CHCHD6: variants seen among roughly 807,000 people sequenced by gnomAD.
The protein encoded by CHCHD6 is MICOS complex subunit MIC25.
A neutral mutation model predicts 32.3 loss-of-function variants in CHCHD6; 28 were observed. That is an observed-to-expected ratio of 0.87 (90% CI 0.64 to 1.19). The LOEUF is 1.19. Ranked by LOEUF, CHCHD6 falls within the 50% of genes most tolerant of loss-of-function variation. The pLI is 0.00. For synonymous variants in CHCHD6, 122 were observed against 117.5 expected, an observed-to-expected ratio of 1.04 and a Z score of -0.25; for missense variants, 333 against 307.0, an observed-to-expected ratio of 1.08 and a Z score of -0.63.
chr3:126,803,661 CAGAA>C (rs1319182745), intron 4 of CHCHD6, among the ~76,000 whole-genome samples: 18 of 152,190 alleles, frequency 1.2e-4, no homozygotes, highest in Admixed American at 1.2e-3. Flanking sequence ...ATCAACGAGA[CAGAA>C]AGTTAACAAG....
rs144875908 is a variant in CHCHD6, at chr3:126,898,767, G to C, written c.496-15913G>C. ...TTGGCCAGGCTGGTCTTAAACTCCT[G>C]ACCTCAGATGATCTGCCCTCCTCGG... On this transcript the variant is annotated intron_variant, in intron 5 of 7. Transcript: ENST00000290913. 3.3e-3 allele frequency among the ~76,000 whole-genome samples: 503 copies of C among 152,266 alleles called. 5 individuals carry two copies. The highest frequency in any genetic ancestry group is 0.011 in the African/African-American group (469 of 41,540).
chr3:126,805,864 A>T (rs911575668), intron 4 of CHCHD6, among the ~76,000 whole-genome samples: 1 of 152,234 alleles, frequency 6.6e-6, no homozygotes, highest in Non-Finnish European at 1.5e-5. Context: ...ATATAGATCA[A>T]TGGAACAGAA....
intron 5 of CHCHD6, among the ~76,000 whole-genome samples, chr3:126,881,462 A>G (rs1006728550): frequency 5.3e-5 from 8 of 152,298 alleles, no homozygotes; most frequent in African/African-American, 1.7e-4. Flanking sequence ...GCAGGGCCCT[A>G]TGTGTGTTGA....
At chr3:126,748,012 C>T (rs1936572903) in intron 4 of CHCHD6, among the ~76,000 whole-genome samples, 2 of 152,102 alleles carry the variant, frequency 1.3e-5, no homozygotes, top group African/African-American at 4.8e-5. Flanking sequence ...GAGTTCTCTC[C>T]ATCCTGGCCT....
At chr3:126,834,873 G>C (rs1940790643) in intron 4 of CHCHD6, among the ~76,000 whole-genome samples, 2 of 152,164 alleles carry the variant, frequency 1.3e-5, no homozygotes, top group South Asian at 4.1e-4. Context: ...CACTTGGGCA[G>C]GCAGGGTATA....
intron 4 of CHCHD6, among the ~76,000 whole-genome samples, chr3:126,761,716 C>T (rs374204781): frequency 1.1e-4 from 17 of 152,266 alleles, no homozygotes; most frequent in South Asian, 4.2e-4. Flanking sequence ...TGTGAGCCAC[C>T]GCACCCAGTC....
intron 6 of CHCHD6, among the ~76,000 whole-genome samples, chr3:126,937,072 C>T (rs1033188679): frequency 1.3e-5 from 2 of 152,166 alleles, no homozygotes; most frequent in Non-Finnish European, 2.9e-5. Flanking sequence ...GCTGGGCAAC[C>T]AGTGTTGTTC....
chr3:126,931,502 C>T (rs2107598743), intron 6 of CHCHD6, among the ~76,000 whole-genome samples: 1 of 152,280 alleles, frequency 6.6e-6, no homozygotes. Context: ...GGTCTGTGCT[C>T]CTCACAGTGT....
At chr3:126,906,737 C>T (rs746960859) in intron 5 of CHCHD6, among the ~76,000 whole-genome samples, 57 of 152,196 alleles carry the variant, frequency 3.7e-4, no homozygotes, top group Non-Finnish European at 7.8e-4. Context: ...ATATCCAGAG[C>T]GTTAGCTCTG....
chr3:126,734,066 G>C (rs1403114437), intron 4 of CHCHD6, among the ~76,000 whole-genome samples: 1 of 152,168 alleles, frequency 6.6e-6, no homozygotes, highest in Non-Finnish European at 1.5e-5. Flanking sequence ...AGGCTGTGCC[G>C]ACCCTTGTGT....
At chr3:126,816,920 T>C (rs1196697648) in intron 4 of CHCHD6, among the ~76,000 whole-genome samples, 2 of 152,082 alleles carry the variant, frequency 1.3e-5, no homozygotes, top group Non-Finnish European at 2.9e-5. Context: ...TGTCCAAGTG[T>C]TCTCATTGTT....
intron 4 of CHCHD6, among the ~76,000 whole-genome samples, chr3:126,775,242 G>T (rs184376676): frequency 1.7e-4 from 26 of 152,328 alleles, no homozygotes; most frequent in Admixed American, 3.9e-4. Context: ...GAGAGTGCCT[G>T]TGGCCAGCAC....
At chr3:126,723,422 C>A (rs1480643572) in intron 1 of CHCHD6, among the ~76,000 whole-genome samples, 1 of 152,114 alleles carries the variant, frequency 6.6e-6, no homozygotes, top group African/African-American at 2.4e-5. Flanking sequence ...GTATATGTGT[C>A]TTATGTGCAT....
chr3:126,879,293 G>T (rs1292397171), intron 5 of CHCHD6, among the ~76,000 whole-genome samples: 1 of 152,192 alleles, frequency 6.6e-6, no homozygotes, highest in Non-Finnish European at 1.5e-5. Flanking sequence ...TTAGAGTTAG[G>T]ACATGTGGGT....
At chr3:126,746,232 G>A (rs1047150364) in intron 4 of CHCHD6, among the ~76,000 whole-genome samples, 3 of 152,210 alleles carry the variant, frequency 2.0e-5, no homozygotes, top group Admixed American at 2.0e-4. Context: ...CTGCGCTTGT[G>A]CCCACAGGGA....
intron 4 of CHCHD6, among the ~76,000 whole-genome samples, chr3:126,761,448 A>G (rs1240538451): frequency 6.6e-6 from 1 of 152,226 alleles, no homozygotes; most frequent in African/African-American, 2.4e-5. Context: ...ACATCTGTAA[A>G]GAATGTAATT....
chr3:126,912,424 G>A (rs1215460200), intron 5 of CHCHD6, among the ~76,000 whole-genome samples: 1 of 152,192 alleles, frequency 6.6e-6, no homozygotes, highest in Non-Finnish European at 1.5e-5. Flanking sequence ...AGAGAACACT[G>A]GAGCCCCCTT....
At chr3:126,925,189 C>T (rs371905440) in intron 6 of CHCHD6, among the ~76,000 whole-genome samples, 5 of 152,322 alleles carry the variant, frequency 3.3e-5, no homozygotes, top group Admixed American at 1.3e-4. Context: ...GTGCCTGGCA[C>T]TCCATTTGGG....
intron 5 of CHCHD6, among the ~76,000 whole-genome samples, chr3:126,867,047 C>G (rs1413332219): frequency 1.3e-5 from 2 of 152,158 alleles, no homozygotes. Flanking sequence ...TACAGCAGAC[C>G]CCAGCCTGGA....
Sources: allele counts gnomAD v4.1 joint callset (sites outside exome capture counted in the v4.1 genomes callset), GRCh38; gene constraint gnomAD v4.1.1; transcripts MANE v1.5; gene names NCBI Gene and HGNC (gene_info 2026-07-23, HGNC 2026-07-21).